Variants in GRID2 observed in about 807,000 individuals in gnomAD.
The protein encoded by GRID2 is glutamate ionotropic receptor delta type subunit 2, also known as glutamate receptor ionotropic, delta-2.
GRID2 carries 33 observed loss-of-function variants against 114.8 expected under a neutral mutation model. That is an observed-to-expected ratio of 0.29 (90% CI 0.22 to 0.38). The LOEUF (loss-of-function observed/expected upper bound fraction) is 0.38, where lower values mean the gene tolerates loss of function less well. GRID2 is among the 10% of genes least tolerant of loss of function. The pLI is 1.00. For synonymous variants in GRID2, 505 were observed against 449.9 expected, an observed-to-expected ratio of 1.12 and a Z score of -1.55; for missense variants, 1,184 against 1,257.7, an observed-to-expected ratio of 0.94 and a Z score of 0.89.
At chr4:93,542,164 G>T (rs1167509640) in intron 13 of GRID2, among the ~76,000 whole-genome samples, 1 of 152,102 alleles carries the variant, frequency 6.6e-6, no homozygotes, top group Non-Finnish European at 1.5e-5. Flanking sequence ...GGCAAAGTGT[G>T]GGCAGTAGAC....
chr4:92,943,822 G>A (rs1182094978), intron 2 of GRID2, among the ~76,000 whole-genome samples: 1 of 152,208 alleles, frequency 6.6e-6, no homozygotes, highest in African/African-American at 2.4e-5. Flanking sequence ...CTGCAGGTCT[G>A]TTGGAGTTTG....
chr4:93,524,644 C>G (rs940306941), intron 13 of GRID2, among the ~76,000 whole-genome samples: 5 of 151,326 alleles, frequency 3.3e-5, no homozygotes, highest in Admixed American at 3.3e-4. Flanking sequence ...TGTAAAGTTG[C>G]TTATGAAGAC....
chr4:92,832,713 G>A (rs955616134), intron 2 of GRID2, among the ~76,000 whole-genome samples: 1 of 152,032 alleles, frequency 6.6e-6, no homozygotes, highest in African/African-American at 2.4e-5. Flanking sequence ...CTTGAACCCA[G>A]GAGGTGGAGG....
chr4:93,185,695 C>T (rs1362870088), intron 4 of GRID2, among the ~76,000 whole-genome samples: 1 of 152,010 alleles, frequency 6.6e-6, no homozygotes, highest in African/African-American at 2.4e-5. Context: ...AGTTTTCTTA[C>T]AGGTTTTTTA....
At chr4:93,355,953 CATTA>C (rs1761296252) in intron 8 of GRID2, among the ~76,000 whole-genome samples, 1 of 152,032 alleles carries the variant, frequency 6.6e-6, no homozygotes, top group African/African-American at 2.4e-5. Flanking sequence ...CTGGTGCCCT[CATTA>C]ATTATTACCC....
chr4:93,703,391 T>G (rs2110145095), intron 14 of GRID2, among the ~76,000 whole-genome samples: 1 of 152,324 alleles, frequency 6.6e-6, no homozygotes, highest in South Asian at 2.1e-4. Context: ...ATTATTTCTT[T>G]GTATTATAAC....
At chr4:93,513,321 A>G (rs985220717) in intron 12 of GRID2, among the ~76,000 whole-genome samples, 1 of 152,310 alleles carries the variant, frequency 6.6e-6, no homozygotes, top group East Asian at 1.9e-4. Flanking sequence ...ACAGGGGGAT[A>G]TATGTTTAAA....
At chr4:93,771,311 A>G (rs1015000668) in intron 15 of GRID2, among the ~76,000 whole-genome samples, 3 of 152,208 alleles carry the variant, frequency 2.0e-5, no homozygotes, top group African/African-American at 7.2e-5. Flanking sequence ...CTTCTTACCA[A>G]GACGCCATTA....
At chr4:92,890,665 G>T (rs565370548) in intron 2 of GRID2, among the ~76,000 whole-genome samples, 1 of 152,146 alleles carries the variant, frequency 6.6e-6, no homozygotes, top group African/African-American at 2.4e-5. Context: ...ACTGTTGGTG[G>T]GAGTGTAAAT....
intron 2 of GRID2, among the ~76,000 whole-genome samples, chr4:92,851,917 C>T (rs1336525969): frequency 1.3e-5 from 2 of 151,846 alleles, no homozygotes; most frequent in Non-Finnish European, 2.9e-5. Context: ...CAGAAAGACT[C>T]CTGAGACCAC....
intron 1 of GRID2, among the ~76,000 whole-genome samples, chr4:92,317,804 C>A (rs554272823): frequency 6.6e-6 from 1 of 152,256 alleles, no homozygotes; most frequent in South Asian, 2.1e-4. Context: ...AGCTGAATGA[C>A]ACTGACTGGG....
chr4:93,261,651 T>C (rs1422870411), intron 8 of GRID2, among the ~76,000 whole-genome samples: 1 of 151,830 alleles, frequency 6.6e-6, no homozygotes, highest in Non-Finnish European at 1.5e-5. Context: ...AACAATATAT[T>C]ATAAAGAGAG....
chr4:92,744,539 G>A (rs1737054772), intron 2 of GRID2, among the ~76,000 whole-genome samples: 1 of 150,776 alleles, frequency 6.6e-6, no homozygotes, highest in Non-Finnish European at 1.5e-5. Context: ...ATGAAAATGT[G>A]TGACTCCATC....
chr4:93,027,831 A>T (rs184080283), intron 2 of GRID2, among the ~76,000 whole-genome samples: 10 of 152,246 alleles, frequency 6.6e-5, no homozygotes, highest in African/African-American at 1.4e-4. Flanking sequence ...TTAATATAAA[A>T]GTTATTTCTA....
At chr4:93,645,736 C>G (rs538781466) in intron 14 of GRID2, among the ~76,000 whole-genome samples, 4 of 152,064 alleles carry the variant, frequency 2.6e-5, no homozygotes, top group Non-Finnish European at 5.9e-5. Context: ...AAATTCAGCT[C>G]TTTATTAAAT....
intron 2 of GRID2, among the ~76,000 whole-genome samples, chr4:92,819,254 C>G (rs1385083993): frequency 1.3e-5 from 2 of 152,072 alleles, no homozygotes; most frequent in African/African-American, 4.8e-5. Flanking sequence ...GGTTTTAAAA[C>G]TTAGGCTCAG....
At chr4:93,447,671 C>T (rs910394276) in intron 10 of GRID2, among the ~76,000 whole-genome samples, 73 of 151,952 alleles carry the variant, frequency 4.8e-4, no homozygotes, top group African/African-American at 1.5e-3. Flanking sequence ...TATTTGTTTA[C>T]AAACAAATTA....
At chr4:93,030,187 A>G (rs565314372) in intron 2 of GRID2, among the ~76,000 whole-genome samples, 1 of 152,268 alleles carries the variant, frequency 6.6e-6, no homozygotes, top group East Asian at 1.9e-4. Flanking sequence ...TAACTATTTC[A>G]TGGTATTTCA....
chr4:92,664,925 C>T (rs1732695931), intron 2 of GRID2, among the ~76,000 whole-genome samples: 1 of 148,888 alleles, frequency 6.7e-6, no homozygotes, highest in Admixed American at 6.7e-5. Flanking sequence ...TCTTTGGATC[C>T]AAAGTGAATC....
Sources: gnomAD v4.1 joint callset for allele counts (sites outside exome capture counted in the v4.1 genomes callset) on GRCh38, gnomAD v4.1.1 for gene constraint, MANE v1.5 for transcripts, NCBI Gene and HGNC (gene_info 2026-07-23, HGNC 2026-07-21) for gene names.